Variants in DNAH3 observed in about 807,000 individuals in gnomAD.
DNAH3 encodes axonemal beta dynein heavy chain 3.
DNAH3 carries 332 observed loss-of-function variants against 432.5 expected under a neutral mutation model. The ratio of observed to expected loss-of-function variants is 0.77; its 90% CI spans 0.70 to 0.84. DNAH3 has a LOEUF of 0.84. Ranked by LOEUF, DNAH3 falls within the 40% of genes least tolerant of loss-of-function variation. The pLI, the probability that DNAH3 is intolerant of heterozygous loss-of-function variation, is 0.00. For synonymous variants in DNAH3, 1,956 were observed against 1,900.2 expected, an observed-to-expected ratio of 1.03 and a Z score of -0.76; for missense variants, 4,861 against 5,114.0, an observed-to-expected ratio of 0.95 and a Z score of 1.51.
chr16:21,129,233 GC>G (rs912444120), intron 7 of DNAH3: 1 of 152,980 alleles, frequency 6.5e-6, no homozygotes, highest in Non-Finnish European at 1.5e-5. Flanking sequence ...GTGCCCACCT[GC>G]TGCTGCTTGG....
At chr16:21,096,499 T>C (rs2091685001) in intron 18 of DNAH3, among the ~76,000 whole-genome samples, 1 of 151,962 alleles carries the variant, frequency 6.6e-6, no homozygotes. Flanking sequence ...TGGCTTTGAT[T>C]GTAATCTACA....
intron 16 of DNAH3, among the ~76,000 whole-genome samples, chr16:21,101,755 T>C (rs998544856): frequency 6.6e-6 from 1 of 152,186 alleles, no homozygotes; most frequent in Non-Finnish European, 1.5e-5. Flanking sequence ...ATGCAGCTAC[T>C]GCCTCTGAGC....
At chr16:21,019,358 C>T in intron 41 of DNAH3, 1 of 442,432 alleles carries the variant, frequency 2.3e-6, no homozygotes, top group Non-Finnish European at 4.1e-6. Flanking sequence ...CGGGGTTTCA[C>T]CATGTTGGCC....
intron 18 of DNAH3, among the ~76,000 whole-genome samples, chr16:21,088,769 A>G (rs568166986): frequency 6.6e-6 from 1 of 152,346 alleles, no homozygotes; most frequent in African/African-American, 2.4e-5. Context: ...TGCAGGAAAT[A>G]TTAATAAATT....
At chr16:21,127,631 G>A (rs2092469671) in intron 8 of DNAH3, 56 bp downstream of exon 9, 2 of 1,590,984 alleles carry the variant, frequency 1.3e-6, no homozygotes, top group Non-Finnish European at 1.7e-6. Context: ...CATTTCAGAG[G>A]GTTTTCAGTC....
At position 20,944,531 on chromosome 16, in the gene DNAH3, G is replaced by C. The variant is rs1343583416; in HGVS notation, c.11476C>G (p.Pro3826Ala). 2 of 1,614,126 alleles carry C rather than the reference G, an allele frequency of 1.2e-6. No individual in the cohort carries two copies. The highest frequency in any genetic ancestry group is 1.7e-5 in the Admixed American group (1 of 60,020). Residue 3826 changes from proline to alanine, a missense_variant, in exon 58 of 62, where the codon CCT becomes GCT. Physicochemically the swap from Pro to Ala is conservative, Grantham distance 27. Transcript: ENST00000261383. ...TTGCCACTTCCTCCTGACTGTCTAG[G>C]GAGGGTCAGCAGGACCCCCTCAAAC...
chr16:21,058,235 C>A (rs772461984), intron 26 of DNAH3, 39 bp from the exon 27 acceptor site: 1 of 1,306,744 alleles, frequency 7.7e-7, no homozygotes, highest in Admixed American at 1.7e-5. Flanking sequence ...GATCAGTTCA[C>A]GTGTGGTTTA....
rs55757849 is a variant in DNAH3 at position 20,959,610 on chromosome 16, AACACACACACAC to A, written c.10601-218_10601-207del. Among the ~76,000 whole-genome samples the A allele has an allele frequency of 2.5e-3, 345 of 137,638 alleles. 3 individuals carry two copies. The highest frequency in any genetic ancestry group is 0.02 in the South Asian group (81 of 4,108). The allele number at this position is 137,638 out of a possible 152,430, so 90.3% of individuals were successfully genotyped here. On this transcript the variant is annotated intron_variant, in intron 53 of 61. Transcript: ENST00000261383. ...CACAGTGAGACCTTGTCTCTATTTA[AACACACACACAC>A]ACACACACACACACACACACACACA...
chr16:20,988,807 C>T (rs568779982), intron 44 of DNAH3, among the ~76,000 whole-genome samples: 10 of 151,940 alleles, frequency 6.6e-5, no homozygotes, highest in African/African-American at 2.2e-4. Flanking sequence ...GAGGTTGTTC[C>T]TTCTGATGTT....
chr16:21,120,254 C>A (rs891673320), intron 11 of DNAH3, among the ~76,000 whole-genome samples: 3 of 151,858 alleles, frequency 2.0e-5, no homozygotes, highest in Non-Finnish European at 2.9e-5. Flanking sequence ...CAGACGTGTG[C>A]CACCACCCCA....
intron 20 of DNAH3, among the ~76,000 whole-genome samples, chr16:21,076,291 C>G (rs1373041092): frequency 3.9e-5 from 6 of 152,128 alleles, no homozygotes; most frequent in Non-Finnish European, 8.8e-5. Context: ...AAGACCATGT[C>G]AATTCATAGG....
At chr16:21,097,416 A>G in exon 18 of DNAH3, 1 of 1,613,998 alleles carries the variant, frequency 6.2e-7, no homozygotes, top group Non-Finnish European at 8.5e-7. Flanking sequence ...GCTGCTCATA[A>G]GGTACTTTGT....
chr16:21,058,455 A>G (rs966805894), intron 26 of DNAH3, among the ~76,000 whole-genome samples: 1 of 152,184 alleles, frequency 6.6e-6, no homozygotes, highest in Non-Finnish European at 1.5e-5. Flanking sequence ...AAATTTTTCC[A>G]TAGTTATAAT....
intron 7 of DNAH3, among the ~76,000 whole-genome samples, chr16:21,130,706 T>C (rs1418067259): frequency 6.6e-6 from 1 of 152,202 alleles, no homozygotes; most frequent in Non-Finnish European, 1.5e-5. Context: ...CAGGGAACCA[T>C]GAAAAGCAAG....
chr16:21,146,483 G>A (rs973282248), intron 1 of DNAH3, among the ~76,000 whole-genome samples: 1 of 152,176 alleles, frequency 6.6e-6, no homozygotes, highest in Non-Finnish European at 1.5e-5. Flanking sequence ...TTGAACCTGG[G>A]ACGCGGAGGT....
chr16:21,159,206 G>C, intron 1 of DNAH3: 1 of 968,930 alleles, frequency 1.0e-6, no homozygotes, highest in Non-Finnish European at 1.7e-6. Flanking sequence ...GCTGCAGAGA[G>C]ATCTGCAAGT....
exon 46 of DNAH3, chr16:20,987,826 G>C: frequency 1.2e-6 from 2 of 1,614,156 alleles, no homozygotes; most frequent in Admixed American, 1.7e-5. Flanking sequence ...TGTCTTAGTA[G>C]CTTGGACCAG....
intron 41 of DNAH3, among the ~76,000 whole-genome samples, chr16:21,012,683 T>C (rs1361979874): frequency 1.3e-5 from 2 of 152,186 alleles, no homozygotes; most frequent in Non-Finnish European, 2.9e-5. Flanking sequence ...TATTCAACAA[T>C]AGAAGACTAC....
chr16:20,967,492 CTTTTT>C (rs756357963), intron 52 of DNAH3, among the ~76,000 whole-genome samples: 5 of 52,804 alleles, frequency 9.5e-5, no homozygotes, highest in South Asian at 8.7e-4. Flanking sequence ...CAGACTTCTG[CTTTTT>C]TTTTTTTTTT....
Sources: gnomAD v4.1 joint callset for allele counts (sites outside exome capture counted in the v4.1 genomes callset) on GRCh38, gnomAD v4.1.1 for gene constraint, MANE v1.5 for transcripts, NCBI Gene and HGNC (gene_info 2026-07-23, HGNC 2026-07-21) for gene names.